GTF2IRD2: variants seen among roughly 807,000 people sequenced by gnomAD.
The protein encoded by GTF2IRD2 is GTF2I repeat domain containing 2.
GTF2IRD2 carries 8 observed loss-of-function variants against 49.2 expected under a neutral mutation model. That is an observed-to-expected ratio of 0.16 (90% CI 0.10 to 0.29). The LOEUF (loss-of-function observed/expected upper bound fraction) is 0.29, where lower values mean the gene tolerates loss of function less well. Among genes scored for constraint, GTF2IRD2 ranks in the 10% least tolerant of loss-of-function variants. The pLI is 1.00. For missense variants in GTF2IRD2, 130 were observed against 725.7 expected (o/e 0.18, Z 9.43); for synonymous variants, 47 against 289.7 (o/e 0.16, Z 8.51).
intron 1 of GTF2IRD2, among the ~76,000 whole-genome samples, chr7:74,840,067 CTTTTTTTTTT>C (rs1165672995): frequency 3.7e-4 from 26 of 70,122 alleles, no homozygotes; most frequent in Non-Finnish European, 5.6e-4. Flanking sequence ...GGTCCTATGT[CTTTTTTTTTT>C]TTTTTTTTTT....
rs1796949423 is a variant in GTF2IRD2 at position 74,796,327 on chromosome 7, G to A, written c.*335C>T. 3 of 351,112 alleles carry A rather than the reference G, an allele frequency of 8.5e-6. No homozygotes were observed. The Admixed American group carries it at 1.2e-4, about 14-fold the overall frequency. The allele number at this position is 351,112 out of a possible 1,614,324, so 21.7% of individuals were successfully genotyped here. On this transcript the variant is annotated 3_prime_UTR_variant, in exon 16 of 16. Coordinates refer to ENST00000451013, the MANE Select transcript of GTF2IRD2 (RefSeq NM_173537.5). ...TGCCTGTAATCCCAGCACTTTGTGA[G>A]GTCGAGGCAGGTGGATCACCTGAGG...
chr7:74,828,751 C>T (rs1265624309), intron 3 of GTF2IRD2, among the ~76,000 whole-genome samples: 14 of 60,784 alleles, frequency 2.3e-4, no homozygotes, highest in African/African-American at 6.7e-4. Context: ...GAAGTCCTAG[C>T]CGAGCAATTA....
chr7:74,834,484 CCTCCCAAA>C (rs1486978261), intron 2 of GTF2IRD2, among the ~76,000 whole-genome samples: 4 of 74,644 alleles, frequency 5.4e-5, no homozygotes, highest in Non-Finnish European at 8.9e-5. Context: ...CCTGCCTCGG[CCTCCCAAA>C]CTCCCAAAGT....
At chr7:74,839,064 ACAGG>A (rs1800548880) in intron 1 of GTF2IRD2, among the ~76,000 whole-genome samples, 1 of 24,326 alleles carries the variant, frequency 4.1e-5, no homozygotes. Flanking sequence ...AGCTGGGATT[ACAGG>A]CAGGCGCCAC....
chr7:74,836,539 C>CTG (rs1159578272), intron 1 of GTF2IRD2, among the ~76,000 whole-genome samples, 156 bp from the exon 2 acceptor site: 2 of 150,360 alleles, frequency 1.3e-5, no homozygotes, highest in Non-Finnish European at 2.9e-5. Flanking sequence ...CCATGAGCTC[C>CTG]TGAATAGTAA....
Position 74,796,341 on chromosome 7 carries a change from G to T in GTF2IRD2, c.*321C>A. ...GCACTTTGTGAGGTCGAGGCAGGTG[G>T]ATCACCTGAGGTCAGGAGTTGGAGA... On this transcript the variant is annotated 3_prime_UTR_variant, in exon 16 of 16. Transcript: ENST00000451013. The T allele has an allele frequency of 2.8e-6, 1 of 362,418 alleles. No individual in the cohort carries two copies. Among genetic ancestry groups the T allele is most frequent in the Non-Finnish European group, 5.4e-6 (1 of 186,330 alleles). The allele number at this position is 362,418 out of a possible 1,614,324, so 22.5% of individuals were successfully genotyped here.
At position 74,829,886 on chromosome 7, in the gene GTF2IRD2, T is replaced by TCAAAAAAACAAAA. The variant is rs1304516621; in HGVS notation, c.238+2918_238+2919insTTTTGTTTTTTTG. Among the ~76,000 whole-genome samples, 174 of 18,240 alleles carry TCAAAAAAACAAAA rather than the reference T, an allele frequency of 9.5e-3. 1 individual carries two copies. Among genetic ancestry groups the TCAAAAAAACAAAA allele is most frequent in the African/African-American group, 0.075 (166 of 2,218 alleles). 12.0% of individuals were successfully genotyped at this position (18,240 alleles called of 152,430 possible). ...CTGGGCGATAGAGCGAGATTCTGTC[T>TCAAAAAAACAAAA]CAAAAAAAAAAAAAAATTCATATGG... On this transcript the variant is annotated intron_variant, in intron 3 of 15. Coordinates refer to ENST00000451013, the MANE Select transcript of GTF2IRD2 (RefSeq NM_173537.5).
At chr7:74,845,673 T>C (rs1313197696) in intron 1 of GTF2IRD2, among the ~76,000 whole-genome samples, 1 of 152,284 alleles carries the variant, frequency 6.6e-6, no homozygotes, top group Non-Finnish European at 1.5e-5. Flanking sequence ...TTATATTTTA[T>C]GATTTGGAAC....
chr7:74,836,076 C>A (rs1800287407), intron 2 of GTF2IRD2, among the ~76,000 whole-genome samples: 1 of 135,378 alleles, frequency 7.4e-6, no homozygotes, highest in African/African-American at 3.7e-5. Flanking sequence ...TGCTTGAACG[C>A]AGGAGAATTG....
At chr7:74,822,051 G>T (rs1321698147) in intron 6 of GTF2IRD2, 13,212 of 304,398 alleles carry the variant, frequency 0.043, 2,337 homozygotes, top group African/African-American at 0.3. Flanking sequence ...TTCAAGTTTT[G>T]TTTTTTTTTT....
At position 74,851,262 on chromosome 7, in the gene GTF2IRD2, C is replaced by T. The variant is rs1431418032; in HGVS notation, c.-6+105G>A. 2.8e-3 allele frequency: 122 copies of T among 43,226 alleles called. 53 individuals are homozygous for T. Among genetic ancestry groups the T allele is most frequent in the African/African-American group, 0.018 (118 of 6,548 alleles). 2.7% of individuals were successfully genotyped at this position (43,226 alleles called of 1,614,324 possible). On this transcript the variant is annotated intron_variant, in intron 1 of 15. Transcript: ENST00000451013. Reference sequence around the variant, plus strand: ...CGGGGTGTCCCGGGGGGCCACCTCCCGCTGCGGCCGGGCGGCCTCCCTTCC... The same window carrying T: ...CGGGGTGTCCCGGGGGGCCACCTCCTGCTGCGGCCGGGCGGCCTCCCTTCC...
At position 74,850,528 on chromosome 7, in the gene GTF2IRD2, T is replaced by C; in HGVS notation, c.-6+839A>G. Among the ~76,000 whole-genome samples, 2 of 46,516 alleles carry C rather than the reference T, an allele frequency of 4.3e-5. 1 individual carries two copies. The highest frequency in any genetic ancestry group is 8.2e-5 in the Non-Finnish European group (2 of 24,362). The allele number at this position is 46,516 out of a possible 152,430, so 30.5% of individuals were successfully genotyped here. ...ACACAAAATGTCCAGAATAGGCAAA[T>C]CCACGGAGACAAAAGTGATTGCCAG... is the stretch of plus-strand genomic sequence containing the variant. On this transcript the variant is annotated intron_variant, in intron 1 of 15. Transcript: ENST00000451013.
At chr7:74,842,729 T>C (rs2131818503) in intron 1 of GTF2IRD2, among the ~76,000 whole-genome samples, 1 of 144,044 alleles carries the variant, frequency 6.9e-6, no homozygotes, top group East Asian at 2.0e-4. Flanking sequence ...CAGCTAATTT[T>C]CTATTTTTGT....
At chr7:74,818,933 GT>G (rs869240172) in intron 8 of GTF2IRD2, 2 of 147,522 alleles carry the variant, frequency 1.4e-5, no homozygotes, top group Admixed American at 6.8e-5. Flanking sequence ...TTTTGTTTTT[GT>G]TTTTTTTTGA....
Position 74,851,387 on chromosome 7 carries a change from C to G in GTF2IRD2, c.-26G>C, listed in dbSNP as rs1170241328. 8 of 47,210 alleles carry G rather than the reference C, an allele frequency of 1.7e-4. 4 individuals are homozygous for G. The highest frequency in any genetic ancestry group is 7.9e-4 in the African/African-American group (6 of 7,578). The allele number at this position is 47,210 out of a possible 1,614,324, so 2.9% of individuals were successfully genotyped here. On this transcript the variant is annotated 5_prime_UTR_variant, in exon 1 of 16. Transcript: ENST00000451013. ...CGCACCTGAGGGCGCTGGGCCGCGCCGGGCCGGCCGCGGAGTCCGAGGCCT... is the reference window on the plus strand; with the variant it reads ...CGCACCTGAGGGCGCTGGGCCGCGCGGGGCCGGCCGCGGAGTCCGAGGCCT...
intron 1 of GTF2IRD2, among the ~76,000 whole-genome samples, chr7:74,844,360 T>TTTTTTTTA (rs1554422236): frequency 7.6e-5 from 1 of 13,182 alleles, no homozygotes; most frequent in East Asian, 9.1e-3. Flanking sequence ...ATTATGTTTT[T>TTTTTTTTA]TTTATTTATT....
chr7:74,822,055 T>G (rs1584393895), intron 6 of GTF2IRD2: 1 of 345,712 alleles, frequency 2.9e-6, no homozygotes, highest in Non-Finnish European at 5.6e-6. Flanking sequence ...AGTTTTGTTT[T>G]TTTTTTTTTG....
rs201025750 is a variant in GTF2IRD2 at position 74,822,816 on chromosome 7, A to G, written c.359-9T>C. 1.5e-5 allele frequency: 23 copies of G among 1,548,798 alleles called. 2 individuals are homozygous for G. In the Admixed American group the frequency reaches 2.0e-4, roughly 13 times the overall value. ...TGTCCCTAAGGCTTTACCTACAAGAAGACGCAAACGTCTTTGGATGGTGTG... is the reference window on the plus strand; with the variant it reads ...TGTCCCTAAGGCTTTACCTACAAGAGGACGCAAACGTCTTTGGATGGTGTG... On this transcript the variant is annotated splice_polypyrimidine_tract_variant and intron_variant, in intron 4 of 15. Coordinates refer to ENST00000451013, the MANE Select transcript of GTF2IRD2 (RefSeq NM_173537.5).
At chr7:74,824,230 A>C (rs1363216829) in intron 4 of GTF2IRD2, among the ~76,000 whole-genome samples, 2 of 115,146 alleles carry the variant, frequency 1.7e-5, no homozygotes, top group Non-Finnish European at 1.7e-5. Flanking sequence ...GCATTTTGGG[A>C]GGTCGAGGCA....
Sources: allele counts gnomAD v4.1 joint callset (sites outside exome capture counted in the v4.1 genomes callset), GRCh38; gene constraint gnomAD v4.1.1; transcripts MANE v1.5; gene names NCBI Gene and HGNC (gene_info 2026-07-23, HGNC 2026-07-21).